PCDHGC3: variants seen among roughly 807,000 people sequenced by gnomAD.
PCDHGC3 encodes the protein protocadherin gamma-C3.
PCDHGC3 carries 26 observed loss-of-function variants against 59.2 expected under a neutral mutation model. The ratio of observed to expected loss-of-function variants is 0.44; its 90% CI spans 0.32 to 0.61. PCDHGC3 has a LOEUF of 0.61. Among genes scored for constraint, PCDHGC3 ranks in the 20% least tolerant of loss-of-function variants. The pLI, the probability that PCDHGC3 is intolerant of heterozygous loss-of-function variation, is 0.05. For synonymous variants in PCDHGC3, 487 were observed against 519.7 expected (o/e 0.94, Z 0.86); for missense variants, 1,080 against 1,221.8 (o/e 0.88, Z 1.73).
At chr5:141,488,273 C>A (rs1411817846) in intron 1 of PCDHGC3, among the ~76,000 whole-genome samples, 6 of 152,256 alleles carry the variant, frequency 3.9e-5, no homozygotes, top group East Asian at 1.9e-4. Flanking sequence ...TTGGTCATCA[C>A]CTTTGGAAAA....
At chr5:141,482,801 G>C (rs1230060558) in intron 1 of PCDHGC3, among the ~76,000 whole-genome samples, 1 of 152,176 alleles carries the variant, frequency 6.6e-6, no homozygotes, top group African/African-American at 2.4e-5. Flanking sequence ...GCCGGGTACG[G>C]TGGCTCATGC....
At position 141,487,905 on chromosome 5, in the gene PCDHGC3, G is replaced by A. The variant is rs1305989274; in HGVS notation, c.2431-6902G>A. The A allele has an allele frequency of 2.9e-6, 2 of 686,270 alleles. No individual in the cohort carries two copies. The highest frequency in any genetic ancestry group is 3.6e-5 in the African/African-American group (2 of 55,348). The allele number at this position is 686,270 out of a possible 1,614,324, so 42.5% of individuals were successfully genotyped here. ...GTGGAAGCATGATGATGGAATGTGG[G>A]AGCACAGGAGGCTACAGTGCACAGG... On this transcript the variant is annotated intron_variant, in intron 1 of 3. Coordinates refer to ENST00000308177, the MANE Select transcript of PCDHGC3 (RefSeq NM_002588.4). This position sits in a 1 kb window ranked among gnomAD's most constrained non-coding sequence, Gnocchi z 5.0.
intron 1 of PCDHGC3, chr5:141,484,931 A>T: frequency 4.0e-6 from 2 of 498,120 alleles, no homozygotes; most frequent in South Asian, 5.3e-5. Context: ...TGCTGTTGGG[A>T]CGTTCTCTGC....
chr5:141,482,071 A>G (rs2099551527), intron 1 of PCDHGC3, among the ~76,000 whole-genome samples: 1 of 145,394 alleles, frequency 6.9e-6, no homozygotes, highest in Non-Finnish European at 1.5e-5. Flanking sequence ...GGCAACAAGA[A>G]CAAAACTCAC....
intron 1 of PCDHGC3, among the ~76,000 whole-genome samples, chr5:141,481,692 G>T (rs1231630072): frequency 6.6e-6 from 1 of 152,020 alleles, no homozygotes; most frequent in African/African-American, 2.4e-5. Context: ...GGTGGCTCAC[G>T]CCTGTAATCC....
intron 2 of PCDHGC3, among the ~76,000 whole-genome samples, chr5:141,502,866 C>CTTTTTCTT (rs2099816520): frequency 1.6e-5 from 2 of 128,030 alleles, no homozygotes; most frequent in African/African-American, 6.2e-5. Flanking sequence ...GACTCTCTGT[C>CTTTTTCTT]TTTTTTTTTT....
At position 141,485,314 on chromosome 5, in the gene PCDHGC3, T is replaced by A. The variant is rs1292296791; in HGVS notation, c.2430+6768T>A. The A allele has an allele frequency of 1.2e-6, 2 of 1,614,150 alleles. No homozygotes were observed. The highest frequency in any genetic ancestry group is 1.7e-6 in the Non-Finnish European group (2 of 1,180,032). ...CACAGGAAGGGACTTTTGTAGGGAA[T>A]GTCGCTCAAGATTTCCTGCTGGATA... On this transcript the variant is annotated intron_variant, in intron 1 of 3. Coordinates refer to ENST00000308177, the MANE Select transcript of PCDHGC3 (RefSeq NM_002588.4). This position sits in a 1 kb window ranked among gnomAD's most constrained non-coding sequence, Gnocchi z 5.7.
At chr5:141,478,725 A>C (rs2099473537) in intron 1 of PCDHGC3, 179 bp downstream of exon 1, 1 of 1,542,096 alleles carries the variant, frequency 6.5e-7, no homozygotes. Flanking sequence ...GGCCTGCCAG[A>C]GTGTGGTTTG....
chr5:141,495,469 C>G (rs1398171981), intron 2 of PCDHGC3, among the ~76,000 whole-genome samples: 1 of 152,220 alleles, frequency 6.6e-6, no homozygotes, highest in Non-Finnish European at 1.5e-5. Flanking sequence ...TGTGGGGTCT[C>G]CGTGTCTCTG....
At chr5:141,502,932 C>T (rs1039438031) in intron 2 of PCDHGC3, among the ~76,000 whole-genome samples, 2 of 143,766 alleles carry the variant, frequency 1.4e-5, no homozygotes, top group African/African-American at 5.3e-5. Context: ...CAACCTTCAC[C>T]TCCTGGGTTC....
intron 2 of PCDHGC3, among the ~76,000 whole-genome samples, chr5:141,496,103 C>T (rs779317844): frequency 2.0e-5 from 3 of 152,218 alleles, no homozygotes; most frequent in South Asian, 2.1e-4. Flanking sequence ...ACCAACACCC[C>T]GCTCTCTTCC....
Position 141,490,177 on chromosome 5 carries a change from T to C in PCDHGC3, c.2431-4630T>C, listed in dbSNP as rs780298274. 12 of 1,613,622 alleles carry C rather than the reference T, an allele frequency of 7.4e-6. No individual in the cohort carries two copies. The highest frequency in any genetic ancestry group is 1.0e-5 in the Non-Finnish European group (12 of 1,179,932). On this transcript the variant is annotated intron_variant, in intron 1 of 3. Transcript: ENST00000308177. This position sits in a 1 kb window ranked among gnomAD's most constrained non-coding sequence, Gnocchi z 5.4. The stretch of plus-strand genomic sequence containing the variant: ...GTTGGGTCCCATAGACTTTGAGGAG[T>C]CACGTTTCTATGAAATTCATGCAAG...
chr5:141,508,961 A>G (rs991011427), intron 3 of PCDHGC3, among the ~76,000 whole-genome samples: 2 of 151,978 alleles, frequency 1.3e-5, no homozygotes, highest in Non-Finnish European at 2.9e-5. Flanking sequence ...TGTCAGCGGA[A>G]TGAAAGGGCT....
rs1292277026 is a variant in PCDHGC3 at position 141,489,814 on chromosome 5, CCA to C, written c.2431-4992_2431-4991del. 6 of 1,614,024 alleles carry C rather than the reference CCA, an allele frequency of 3.7e-6. No homozygotes were observed. Among genetic ancestry groups the C allele is most frequent in the Non-Finnish European group, 8.5e-7 (1 of 1,180,004 alleles). ...GACCCTAAAAGATGGGAAGCCATTC[CCA>C]GAGCTGGTGCTAGAGCAGCAGCTGG... On this transcript the variant is annotated intron_variant, in intron 1 of 3. Transcript: ENST00000308177. This position sits in a 1 kb window ranked among gnomAD's most constrained non-coding sequence, Gnocchi z 4.5.
chr5:141,505,345 G>A (rs776607130), intron 2 of PCDHGC3, 48 bp from the exon 3 acceptor site: 13 of 1,613,086 alleles, frequency 8.1e-6, no homozygotes, highest in Non-Finnish European at 1.1e-5. Flanking sequence ...AGGGGCATGA[G>A]CTGTGCCGGC....
At chr5:141,501,127 T>C (rs2099805755) in intron 2 of PCDHGC3, among the ~76,000 whole-genome samples, 5 of 152,024 alleles carry the variant, frequency 3.3e-5, no homozygotes, top group Non-Finnish European at 7.4e-5. Context: ...TCAGCCTCCC[T>C]AAGTGCTGGG....
chr5:141,476,766 T>C lies in PCDHGC3; in HGVS notation c.650T>C (p.Leu217Ser). ...AGTCTCCAGTTAGTGCTGACGGCGT[T>C]GGACGGAGGGACCCCAGCTCTCTCC... ...EPSLQLVLTA[L>S]DGGTPALSAS... Residue 217 changes from leucine (L) to serine (S), a missense_variant, in exon 1 of 4, where the codon TTG (leucine) becomes TCG (serine). By Grantham distance (145) the Leu-to-Ser change is moderately radical. Coordinates refer to ENST00000308177, the MANE Select transcript of PCDHGC3 (RefSeq NM_002588.4). This position sits in a 1 kb window ranked among gnomAD's most constrained non-coding sequence, Gnocchi z 7.6. The C allele has an allele frequency of 1.9e-6, 3 of 1,613,626 alleles. No individual in the cohort carries two copies. The highest frequency in any genetic ancestry group is 2.5e-6 in the Non-Finnish European group (3 of 1,179,952).
intron 1 of PCDHGC3, among the ~76,000 whole-genome samples, chr5:141,482,689 C>T (rs145383957): frequency 7.1e-6 from 1 of 140,984 alleles, no homozygotes; most frequent in East Asian, 1.9e-4. Flanking sequence ...GCTTGTCAGA[C>T]AGTAAAGGGG....
chr5:141,496,943 T>C (rs1023861484), intron 2 of PCDHGC3, among the ~76,000 whole-genome samples: 2 of 151,258 alleles, frequency 1.3e-5, no homozygotes, highest in African/African-American at 2.4e-5. Flanking sequence ...CCCAGCACTT[T>C]GGGAGGCCAA....
Sources: gnomAD v4.1 joint callset for allele counts (sites outside exome capture counted in the v4.1 genomes callset) on GRCh38, gnomAD v4.1.1 for gene constraint, Gnocchi (gnomAD v3.1) non-coding constraint, MANE v1.5 for transcripts, NCBI Gene and HGNC (gene_info 2026-07-23, HGNC 2026-07-21) for gene names.